The following SLC17A1 variants were observed in gnomAD, a reference collection of about 807,000 sequenced individuals.
The protein encoded by SLC17A1 is solute carrier family 17 member 1, also known as sodium-dependent phosphate transport protein 1.
Under a neutral mutation model 53.5 loss-of-function variants are expected in SLC17A1, and 51 were observed. That is an observed-to-expected ratio of 0.95 (90% confidence interval 0.76 to 1.20). The LOEUF (loss-of-function observed/expected upper bound fraction) is 1.20, where lower values mean the gene tolerates loss of function less well. Among genes scored for constraint, SLC17A1 ranks in the 50% most tolerant of loss-of-function variants. The pLI is 0.00. For missense variants in SLC17A1, 538 were observed against 568.2 expected (o/e 0.95, Z 0.54); for synonymous variants, 179 against 198.8 (o/e 0.90, Z 0.84).
At chr6:25,810,466 A>G (rs2151490332) in intron 10 of SLC17A1, among the ~76,000 whole-genome samples, 1 of 152,260 alleles carries the variant, frequency 6.6e-6, no homozygotes, top group East Asian at 1.9e-4. Context: ...GACATTTCTC[A>G]AAAAAAGATA....
chr6:25,739,990 T>G, the SLC17A1 span, among the ~76,000 whole-genome samples: 2 of 152,168 alleles, frequency 1.3e-5, no homozygotes, highest in African/African-American at 4.8e-5. Flanking sequence ...ATAAAGCCAC[T>G]GGGATAAAAT....
At chr6:25,732,954 A>G in the SLC17A1 span, 1 of 225,198 alleles carries the variant, frequency 4.4e-6, no homozygotes, top group East Asian at 1.2e-4. Flanking sequence ...TCAATTTCTG[A>G]GAAAGAGCTA....
chr6:25,766,515 G>T, the SLC17A1 span, among the ~76,000 whole-genome samples: 1 of 151,974 alleles, frequency 6.6e-6, no homozygotes, highest in Non-Finnish European at 1.5e-5. Flanking sequence ...ATTAAAAGGA[G>T]AAAAAGAAAA....
chr6:25,823,701 G>A (rs1764642825), intron 3 of SLC17A1, among the ~76,000 whole-genome samples: 1 of 151,832 alleles, frequency 6.6e-6, no homozygotes, highest in Non-Finnish European at 1.5e-5. Flanking sequence ...TTCTTTATAA[G>A]ATATGATTAG....
chr6:25,793,129 T>C (rs1763536838), intron 12 of SLC17A1, among the ~76,000 whole-genome samples: 2 of 152,292 alleles, frequency 1.3e-5, no homozygotes, highest in African/African-American at 4.8e-5. Context: ...TCTTTACTTA[T>C]GAGATTGAAC....
downstream of SLC17A1, chr6:25,781,172 AGCAG>A (rs1459843413): frequency 4.9e-5 from 4 of 81,904 alleles, no homozygotes. Context: ...GAGGATGATT[AGCAG>A]AAAGAAAGAA....
At chr6:25,782,555 TG>T (rs1302714168), downstream of SLC17A1, among the ~76,000 whole-genome samples, 1 of 152,146 alleles carries the variant, frequency 6.6e-6, no homozygotes, top group Non-Finnish European at 1.5e-5. Flanking sequence ...TTTCTTTAAT[TG>T]TATTTGTTTT....
chr6:25,746,540 C>G, the SLC17A1 span, among the ~76,000 whole-genome samples: 2 of 151,972 alleles, frequency 1.3e-5, no homozygotes, highest in Non-Finnish European at 2.9e-5. Context: ...GGAGCAGCAT[C>G]CTAAGTTCAG....
At chr6:25,770,989 G>A in the SLC17A1 span, 8 of 1,613,642 alleles carry the variant, frequency 5.0e-6, no homozygotes, top group Non-Finnish European at 6.8e-6. Context: ...ACCATAGGAT[G>A]GCCTTACGTC....
the SLC17A1 span, among the ~76,000 whole-genome samples, chr6:25,729,738 G>T: frequency 1.4e-5 from 2 of 140,494 alleles, no homozygotes; most frequent in African/African-American, 5.3e-5. Flanking sequence ...TGCTTTCCGT[G>T]CATTTTTTTT....
chr6:25,830,473 T>C, intron 2 of SLC17A1, 51 bp downstream of exon 2: 1 of 1,306,162 alleles, frequency 7.7e-7, no homozygotes, highest in South Asian at 1.2e-5. Flanking sequence ...ATCTGTGATG[T>C]AATATTTAAG....
intron 3 of SLC17A1, 29 bp downstream of exon 3, chr6:25,826,431 AT>A: frequency 6.4e-7 from 1 of 1,555,984 alleles, no homozygotes; most frequent in South Asian, 1.2e-5. Context: ...GCTTTTAAAC[AT>A]TTGACTGTGG....
At chr6:25,829,073 T>C (rs1280529506) in intron 2 of SLC17A1, among the ~76,000 whole-genome samples, 1 of 152,104 alleles carries the variant, frequency 6.6e-6, no homozygotes, top group Non-Finnish European at 1.5e-5. Context: ...AAAGATGAAA[T>C]ATTCAGGCCA....
chr6:25,819,155 C>T lies in SLC17A1; in HGVS notation c.530-1G>A. 1 of 1,601,130 alleles carries T rather than the reference C, an allele frequency of 6.2e-7. No individual in the cohort carries two copies. Among genetic ancestry groups the T allele is most frequent in the Non-Finnish European group, 8.5e-7 (1 of 1,174,340 alleles). On this transcript the variant is annotated splice_acceptor_variant, in intron 5 of 12. Transcript: ENST00000244527. LOFTEE classifies it high-confidence loss of function. ...ACAATAAAGGGTCCCAGCAAAAACC[C>T]TAATCAGTAGGTACAAAGAACACCC... is the stretch of plus-strand genomic sequence containing the variant.
At chr6:25,749,090 G>A in the SLC17A1 span, among the ~76,000 whole-genome samples, 2 of 152,284 alleles carry the variant, frequency 1.3e-5, no homozygotes, top group Middle Eastern at 3.4e-3. Context: ...GGGACGGTGA[G>A]GTCTTTCTCA....
chr6:25,752,979 A>AC, the SLC17A1 span, among the ~76,000 whole-genome samples: 3 of 151,454 alleles, frequency 2.0e-5, no homozygotes, highest in African/African-American at 7.3e-5. Context: ...CAAAAAAAAA[A>AC]CACCAAACAT....
the SLC17A1 span, among the ~76,000 whole-genome samples, chr6:25,741,153 G>T: frequency 1.3e-5 from 2 of 152,170 alleles, no homozygotes; most frequent in Non-Finnish European, 2.9e-5. Context: ...TTAGCTAAAA[G>T]AGAAGATTTG....
At chr6:25,732,621 C>T in the SLC17A1 span, 10 of 1,137,304 alleles carry the variant, frequency 8.8e-6, no homozygotes, top group Non-Finnish European at 1.3e-5. Context: ...CTCCGACACC[C>T]TGGAGTTGGC....
chr6:25,772,639 G>T, the SLC17A1 span, among the ~76,000 whole-genome samples: 86 of 152,222 alleles, frequency 5.6e-4, no homozygotes, highest in African/African-American at 1.9e-3. Context: ...TACAAATTGG[G>T]TAATTAATTT....
Sources: gnomAD v4.1 joint callset for allele counts (sites outside exome capture counted in the v4.1 genomes callset) on GRCh38, gnomAD v4.1.1 for gene constraint, MANE v1.5 for transcripts, NCBI Gene and HGNC (gene_info 2026-07-23, HGNC 2026-07-21) for gene names.